The following ADGRE1 variants were observed in gnomAD, a reference collection of about 807,000 sequenced individuals.
ADGRE1 encodes the protein adhesion G protein-coupled receptor E1, also known as EGF-like module receptor 1.
ADGRE1 carries 82 observed loss-of-function variants against 102.7 expected under a neutral mutation model. The ratio of observed to expected loss-of-function variants is 0.80; its 90% confidence interval spans 0.67 to 0.96. The LOEUF (loss-of-function observed/expected upper bound fraction) is 0.96. Ranked by LOEUF, ADGRE1 falls within the 40% of genes least tolerant of loss-of-function variation. The probability of loss-of-function intolerance (pLI) is 0.00; values close to 1 mark genes in which losing one functional copy is unlikely to be tolerated. For missense variants in ADGRE1, 1,032 were observed against 1,085.3 expected, an observed-to-expected ratio of 0.95 and a Z score of 0.69; for synonymous variants, 398 against 399.6, an observed-to-expected ratio of 1.00 and a Z score of 0.05.
chr19:6,906,320 G>T, intron 8 of ADGRE1, 113 bp from the exon 9 acceptor site: 1 of 818,836 alleles, frequency 1.2e-6, no homozygotes, highest in Admixed American at 2.3e-5. Context: ...TTGTGTATTA[G>T]GGTAATAGAT....
At chr19:6,908,525 CT>C (rs1471803056) in intron 9 of ADGRE1, among the ~76,000 whole-genome samples, 163 bp from the exon 10 acceptor site, 4 of 152,136 alleles carry the variant, frequency 2.6e-5, no homozygotes. Flanking sequence ...GATTCTAATT[CT>C]GATCAAGTAA....
intron 2 of ADGRE1, among the ~76,000 whole-genome samples, chr19:6,891,662 C>G (rs899854565): frequency 1.3e-5 from 2 of 151,926 alleles, no homozygotes; most frequent in African/African-American, 4.8e-5. Context: ...CACTAGAAAC[C>G]AGGCTGGTCT....
At chr19:6,910,825 A>G (rs59911686) in intron 10 of ADGRE1, among the ~76,000 whole-genome samples, 15,228 of 152,044 alleles carry the variant, frequency 0.1, 1,248 homozygotes, top group East Asian at 0.47. Flanking sequence ...CACCCACCTC[A>G]GCCTCCCAAA....
In ADGRE1 at chr19:6,897,429, T is replaced by C. The variant is rs1464428312; in HGVS notation, c.396T>C (p.Asp132=). 30 of 1,592,778 alleles carry C rather than the reference T, an allele frequency of 1.9e-5. No individual in the cohort carries two copies. The highest frequency in any genetic ancestry group is 2.2e-5 in the Non-Finnish European group (26 of 1,168,822). The change falls in exon 5 of 21, where the codon GAT becomes GAC. Residue 132 remains aspartate, a splice_region_variant and synonymous_variant. Transcript: ENST00000312053. ...TCACCCTCTTCCACTGCTTCTCAGATATCAATGAGTGCCTCACCAGCAGCG... is the reference window on the plus strand; with the variant it reads ...TCACCCTCTTCCACTGCTTCTCAGACATCAATGAGTGCCTCACCAGCAGCG... ...PGKPGNFSCT[D]INECLTSSVC...
intron 2 of ADGRE1, chr19:6,895,053 T>C (rs1446318161): frequency 1.3e-5 from 2 of 152,356 alleles, no homozygotes; most frequent in African/African-American, 4.8e-5. Context: ...AACTTGAAGA[T>C]GGAACAGCGT....
Position 6,935,032 on chromosome 19 carries a change from A to G in ADGRE1, c.2335A>G (p.Arg779Gly), listed in dbSNP as rs752511804. The change falls in exon 18 of 21, where the codon AGG (arginine) becomes GGG (glycine). Residue 779 changes from arginine to glycine, a missense_variant. By Grantham distance (125) the Arg-to-Gly change is moderately radical (BLOSUM62 -2). Transcript: ENST00000312053. Reference protein sequence around the residue: ...LTWTLWILRQRLSSVNAEVST... With the variant: ...LTWTLWILRQGLSSVNAEVST... ...CTGGACCTTGTGGATCCTGAGGCAG[A>G]GGCTTTCCAGTGTTAATGCCGAAGT... is the stretch of plus-strand genomic sequence containing the variant. 1.2e-6 allele frequency: 2 copies of G among 1,600,810 alleles called. No individual in the cohort carries two copies. Among genetic ancestry groups the G allele is most frequent in the East Asian group, 2.3e-5 (1 of 43,768 alleles).
intron 2 of ADGRE1, among the ~76,000 whole-genome samples, chr19:6,892,072 T>C (rs1973398153): frequency 2.6e-5 from 4 of 151,926 alleles, no homozygotes. Flanking sequence ...AGAGGGCTAG[T>C]GGAAGAGAAT....
chr19:6,891,188 A>G (rs1456787351), intron 2 of ADGRE1: 2 of 152,010 alleles, frequency 1.3e-5, no homozygotes, highest in Admixed American at 6.6e-5. Flanking sequence ...GGTTTTATAA[A>G]TGGGAGATCC....
At chr19:6,916,456 C>T (rs1054972497) in intron 12 of ADGRE1, 88 bp downstream of exon 12, 408 of 1,498,326 alleles carry the variant, frequency 2.7e-4, no homozygotes, top group Non-Finnish European at 3.4e-4. Flanking sequence ...AGACCAGTGC[C>T]AGATAGTTGA....
In ADGRE1 at chr19:6,924,879, A is replaced by C. The variant is rs375708427; in HGVS notation, c.1986+7A>C. On this transcript the variant is annotated splice_region_variant and intron_variant, in intron 15 of 20. Transcript: ENST00000312053. ...ACACAAGACTGACAACAAGGTCTAC[A>C]TCGCTCGGGCTGTGTCCCCACCAAG... The C allele has an allele frequency of 5.9e-5, 96 of 1,613,626 alleles. No individual in the cohort carries two copies. In the African/African-American group the frequency reaches 1.2e-3, roughly 20 times the overall value.
In ADGRE1 at chr19:6,897,192, C is replaced by T. The variant is rs35964508; in HGVS notation, c.282C>T (p.Asn94=). Residue 94 remains asparagine (N), a synonymous_variant, in exon 4 of 21, where the codon AAC becomes AAT. Coordinates refer to ENST00000312053, the MANE Select transcript of ADGRE1 (RefSeq NM_001974.5). ...AAAGCCCCCAGCCCTGTGGTCCTAA[C>T]TCATCCTGCAAAAACCTGTCAGGGA... ...CSQSPQPCGP[N]SSCKNLSGRY... The T allele has an allele frequency of 3.1e-5, 49 of 1,605,630 alleles. 1 individual carries two copies. Among genetic ancestry groups the T allele is most frequent in the South Asian group, 1.3e-4 (12 of 90,858 alleles).
At chr19:6,894,295 A>G (rs772068726) in intron 2 of ADGRE1, among the ~76,000 whole-genome samples, 76 of 152,154 alleles carry the variant, frequency 5.0e-4, no homozygotes, top group Non-Finnish European at 9.4e-4. Flanking sequence ...GCCTGCTCCC[A>G]CCTGTGGTCT....
chr19:6,925,293 T>C (rs1164474169), intron 15 of ADGRE1, among the ~76,000 whole-genome samples: 1 of 152,124 alleles, frequency 6.6e-6, no homozygotes, highest in Non-Finnish European at 1.5e-5. Flanking sequence ...GCTAATTTTT[T>C]TGTATTTTTA....
At chr19:6,934,336 C>T (rs560123494) in intron 17 of ADGRE1, among the ~76,000 whole-genome samples, 56 of 151,498 alleles carry the variant, frequency 3.7e-4, no homozygotes, top group South Asian at 2.5e-3. Flanking sequence ...GTCCTGCTGT[C>T]TTGGTTCAAT....
chr19:6,898,799 AGAGGTAAAAATATATAGTTGC>A, intron 5 of ADGRE1: 1 of 468,698 alleles, frequency 2.1e-6, no homozygotes, highest in South Asian at 4.6e-5. Context: ...TGGGGCTCAG[AGAGGTAAAAATATATAGTTGC>A]CTATATATTT....
intron 18 of ADGRE1, among the ~76,000 whole-genome samples, chr19:6,935,319 G>A (rs548250183): frequency 3.8e-4 from 58 of 152,074 alleles, no homozygotes; most frequent in Non-Finnish European, 6.6e-4. Flanking sequence ...CTACAGAATG[G>A]GGATATTAAC....
intron 20 of ADGRE1, 26 bp downstream of exon 20, chr19:6,937,674 G>C: frequency 6.2e-7 from 1 of 1,608,126 alleles, no homozygotes; most frequent in Non-Finnish European, 8.5e-7. Flanking sequence ...CTCCCTGCAG[G>C]TGCTGGTCGA....
At chr19:6,903,734 C>T (rs1368785956) in intron 6 of ADGRE1, 76 bp from the exon 7 acceptor site, 1 of 1,578,280 alleles carries the variant, frequency 6.3e-7, no homozygotes, top group African/African-American at 1.3e-5. Context: ...AACATGACTC[C>T]ATATTTTGCA....
In ADGRE1 at chr19:6,896,402, T is replaced by C; in HGVS notation, c.99T>C (p.Asn33=). 6.2e-7 allele frequency: 1 copy of C among 1,613,934 alleles called. No individual in the cohort carries two copies. The highest frequency in any genetic ancestry group is 8.5e-7 in the Non-Finnish European group (1 of 1,179,844). ...RPTRKPNTKG[N]NCRDSTLCPA... The stretch of plus-strand genomic sequence containing the variant: ...TTTTCTTTATACACTGCCTAGGTAA[T>C]AACTGTAGAGACAGTACCTTGTGCC... Residue 33 remains asparagine (N), a synonymous_variant, in exon 3 of 21, where the codon AAT becomes AAC. Coordinates refer to ENST00000312053, the MANE Select transcript of ADGRE1 (RefSeq NM_001974.5).
Sources: allele counts gnomAD v4.1 joint callset (sites outside exome capture counted in the v4.1 genomes callset), GRCh38; gene constraint gnomAD v4.1.1; transcripts MANE v1.5; gene names NCBI Gene and HGNC (gene_info 2026-07-23, HGNC 2026-07-21).